Variants in PARP6 observed in about 807,000 individuals in gnomAD.
PARP6 encodes the protein protein mono-ADP-ribosyltransferase PARP6.
PARP6 carries 27 observed loss-of-function variants against 92.0 expected under a neutral mutation model. The ratio of observed to expected loss-of-function variants is 0.29; its 90% CI spans 0.22 to 0.40. The LOEUF (loss-of-function observed/expected upper bound fraction) is 0.40. PARP6 is among the 10% of genes least tolerant of loss of function. The pLI, the probability that PARP6 is intolerant of heterozygous loss-of-function variation, is 1.00. For synonymous variants in PARP6, 272 were observed against 281.2 expected, an observed-to-expected ratio of 0.97 and a Z score of 0.33; for missense variants, 501 against 784.5, an observed-to-expected ratio of 0.64 and a Z score of 4.32.
chr15:72,252,032 G>A (rs1411613394), intron 16 of PARP6, among the ~76,000 whole-genome samples: 2 of 152,336 alleles, frequency 1.3e-5, no homozygotes, highest in East Asian at 3.9e-4. Flanking sequence ...AAGTACTGAA[G>A]GCTGACTAGG....
rs768280454 is a variant in PARP6 at position 72,251,282 on chromosome 15, A to C, written c.1260-27T>G. 2.7e-6 allele frequency: 4 copies of C among 1,460,782 alleles called. No homozygotes were observed. In the East Asian group the frequency reaches 9.0e-5, roughly 33 times the overall value. 90.5% of individuals were successfully genotyped at this position (1,460,782 alleles called of 1,614,324 possible). A position where few individuals can be genotyped will look rare whatever the true frequency, so the allele number is the denominator to read the frequency against. On this transcript the variant is annotated intron_variant, in intron 16 of 23. Transcript: ENST00000569795. ...TGGGAAGAAACAGAAAAAAATAAAA[A>C]GGATAGAATAATTATGTATTTAAGC... is the stretch of plus-strand genomic sequence containing the variant.
At chr15:72,270,217 T>C (rs1015220319) in intron 2 of PARP6, among the ~76,000 whole-genome samples, 4 of 152,060 alleles carry the variant, frequency 2.6e-5, no homozygotes, top group Non-Finnish European at 4.4e-5. Flanking sequence ...TTCTTAGAGA[T>C]GGAATGACCC....
intron 8 of PARP6, among the ~76,000 whole-genome samples, chr15:72,262,032 G>A (rs1311163820): frequency 2.6e-5 from 4 of 152,144 alleles, no homozygotes; most frequent in Non-Finnish European, 5.9e-5. Context: ...CTGTTGACAG[G>A]GAAACAGAAG....
At chr15:72,247,042 G>A (rs543001579) in intron 20 of PARP6, among the ~76,000 whole-genome samples, 2 of 152,308 alleles carry the variant, frequency 1.3e-5, no homozygotes, top group East Asian at 1.9e-4. Context: ...ACAGGCGTGA[G>A]CCACTGCGCC....
intron 15 of PARP6, 60 bp from the exon 16 acceptor site, chr15:72,253,564 G>C (rs923038960): frequency 7.2e-7 from 1 of 1,387,496 alleles, no homozygotes; most frequent in Admixed American, 1.8e-5. Flanking sequence ...CCTGCTTTCT[G>C]CTTTTCACAG....
chr15:72,257,804 G>A (rs2141012376), intron 12 of PARP6, among the ~76,000 whole-genome samples: 1 of 152,266 alleles, frequency 6.6e-6, no homozygotes, highest in African/African-American at 2.4e-5. Context: ...GTCAATATCT[G>A]ATCCCCATTT....
chr15:72,250,750 G>A, intron 18 of PARP6, 95 bp downstream of exon 18: 1 of 701,232 alleles, frequency 1.4e-6, no homozygotes, highest in East Asian at 2.7e-5. Context: ...ACTGGTTGAT[G>A]GACACATGTA....
chr15:72,249,834 G>A (rs1233921479), intron 19 of PARP6, among the ~76,000 whole-genome samples, 186 bp downstream of exon 19: 2 of 152,160 alleles, frequency 1.3e-5, no homozygotes, highest in African/African-American at 4.8e-5. Context: ...AACGCAGACT[G>A]AGATCAAATA....
At chr15:72,247,049 C>A (rs1018033610) in intron 20 of PARP6, among the ~76,000 whole-genome samples, 4 of 152,034 alleles carry the variant, frequency 2.6e-5, no homozygotes. Flanking sequence ...TGAGCCACTG[C>A]GCCCAGCCAA....
rs1049837718 is a variant in PARP6 at position 72,251,130 on chromosome 15, T to C, written c.1308+77A>G. On this transcript the variant is annotated intron_variant, in intron 17 of 23. Transcript: ENST00000569795. The stretch of plus-strand genomic sequence containing the variant: ...GCAATGTAGGCAGATCTAGGACCAA[T>C]ATGGTTAGCTGGCTTCCAGCCCCTC... 13 of 1,066,206 alleles carry C rather than the reference T, an allele frequency of 1.2e-5. No individual in the cohort carries two copies. The African/African-American group carries it at 1.4e-4, about 11-fold the overall frequency. The allele number at this position is 1,066,206 out of a possible 1,614,324, so 66.0% of individuals were successfully genotyped here. A position where few individuals can be genotyped will look rare whatever the true frequency, so the allele number is the denominator to read the frequency against.
intron 6 of PARP6, 103 bp from the exon 7 acceptor site, chr15:72,265,274 G>T (rs1464638201): frequency 2.9e-6 from 3 of 1,038,862 alleles, no homozygotes; most frequent in African/African-American, 1.6e-5. Context: ...ACACACCACT[G>T]TCTGCTGATG....
In PARP6 at chr15:72,264,624, G is replaced by A. The variant is rs772599334; in HGVS notation, c.329-3C>T. ...CTGGAAAACCTCAATGGATGGTTCT[G>A]CAAAGAGAAGAGAAGGCTACTAGTA... On this transcript the variant is annotated splice_polypyrimidine_tract_variant and splice_region_variant and intron_variant, in intron 7 of 23. Transcript: ENST00000569795. The A allele has an allele frequency of 3.7e-6, 6 of 1,612,854 alleles. No individual in the cohort carries two copies. The East Asian group carries it at 1.1e-4, about 30-fold the overall frequency.
At chr15:72,268,427 A>G (rs928681970) in intron 2 of PARP6, among the ~76,000 whole-genome samples, 4 of 152,278 alleles carry the variant, frequency 2.6e-5, no homozygotes, top group Non-Finnish European at 4.4e-5. Flanking sequence ...CAGTATTACT[A>G]GCTATTATAC....
chr15:72,251,488 T>C, intron 16 of PARP6: 1 of 303,004 alleles, frequency 3.3e-6, no homozygotes, highest in Non-Finnish European at 5.8e-6. Flanking sequence ...TATTGGGGAG[T>C]TAAACAATGG....
chr15:72,249,318 G>T lies in PARP6; in HGVS notation c.1492-4C>A. Reference sequence around the variant, plus strand: ...TGCCATAGGCTGCTCCATGCAGCTTGCAGGGAAACACCAGGATGAGTAATA... The same window carrying T: ...TGCCATAGGCTGCTCCATGCAGCTTTCAGGGAAACACCAGGATGAGTAATA... On this transcript the variant is annotated splice_polypyrimidine_tract_variant and splice_region_variant and intron_variant, in intron 19 of 23. Transcript: ENST00000569795. 1 of 1,573,236 alleles carries T rather than the reference G, an allele frequency of 6.4e-7. No homozygotes were observed. The highest frequency in any genetic ancestry group is 8.7e-7 in the Non-Finnish European group (1 of 1,147,456).
chr15:72,248,566 G>C (rs996488158), intron 20 of PARP6, among the ~76,000 whole-genome samples: 4 of 152,234 alleles, frequency 2.6e-5, no homozygotes, highest in African/African-American at 9.6e-5. Flanking sequence ...TTCATGTAGT[G>C]AACATGCAAC....
chr15:72,266,703 C>G (rs367745379), intron 4 of PARP6, 42 bp downstream of exon 4: 18 of 1,436,290 alleles, frequency 1.3e-5, no homozygotes, highest in Middle Eastern at 1.7e-4. Context: ...CAGCACATAT[C>G]TAGACCATCC....
At chr15:72,266,615 T>G (rs2086627582) in intron 4 of PARP6, 130 bp downstream of exon 4, 1 of 703,964 alleles carries the variant, frequency 1.4e-6, no homozygotes, top group Non-Finnish European at 2.5e-6. Flanking sequence ...GACAAGACCA[T>G]GCTCAGACCA....
rs758549993 is a variant in PARP6, at chr15:72,264,570, C to A, written c.380G>T (p.Gly127Val). 1.2e-6 allele frequency: 2 copies of A among 1,613,884 alleles called. No individual in the cohort carries two copies. The highest frequency in any genetic ancestry group is 8.5e-7 in the Non-Finnish European group (1 of 1,179,822). The stretch of plus-strand genomic sequence containing the variant: ...AAGTTCTTACTTTTTCAACTGAAGA[C>A]CCAGCCCAAATCCTTCCTTATTTGA... ...QPSNKEGFGL[G>V]LQLKKILGMF... is the part of the protein sequence containing the mutation. Residue 127 changes from glycine to valine, a missense_variant, in exon 8 of 24, where the codon GGT becomes GTT. Gly to Val is a moderately radical substitution (Grantham distance 109, BLOSUM62 -3). Coordinates refer to ENST00000569795, the MANE Select transcript of PARP6 (RefSeq NM_001323532.2).
Sources: allele counts gnomAD v4.1 joint callset (sites outside exome capture counted in the v4.1 genomes callset), GRCh38; gene constraint gnomAD v4.1.1; transcripts MANE v1.5; gene names NCBI Gene and HGNC (gene_info 2026-07-23, HGNC 2026-07-21).